The following CFAP54 variants were observed in gnomAD, a reference collection of about 807,000 sequenced individuals.
CFAP54 encodes cilia and flagella associated protein 54.
Under a neutral mutation model 370.4 loss-of-function variants are expected in CFAP54, and 290 were observed. The ratio of observed to expected loss-of-function variants is 0.78; its 90% CI spans 0.71 to 0.86. The LOEUF is 0.86. Ranked by LOEUF, CFAP54 falls within the 40% of genes least tolerant of loss-of-function variation. CFAP54 has a pLI of 0.00. For missense variants in CFAP54, 3,399 were observed against 3,528.7 expected, an observed-to-expected ratio of 0.96 and a Z score of 0.93; for synonymous variants, 1,206 against 1,236.5, an observed-to-expected ratio of 0.98 and a Z score of 0.52.
chr12:96,723,823 C>T (rs1409944473), intron 50 of CFAP54, among the ~76,000 whole-genome samples: 4 of 92,802 alleles, frequency 4.3e-5, no homozygotes, highest in Non-Finnish European at 8.1e-5. Context: ...TGCTATCCCT[C>T]CCCCCTCCCC....
intron 58 of CFAP54, among the ~76,000 whole-genome samples, chr12:96,762,259 G>A (rs4272824): frequency 0.36 from 55,356 of 151,952 alleles, 10,834 homozygotes; most frequent in East Asian, 0.58. Flanking sequence ...ATTGTTTTGC[G>A]TCCTGTGACC....
chr12:96,492,181 A>C (rs905082938), intron 1 of CFAP54, among the ~76,000 whole-genome samples: 1 of 152,170 alleles, frequency 6.6e-6, no homozygotes, highest in African/African-American at 2.4e-5. Flanking sequence ...TCTCCAATCT[A>C]TCCTTCACCT....
chr12:96,728,839 G>T (rs1334624586), intron 50 of CFAP54, among the ~76,000 whole-genome samples: 1 of 152,158 alleles, frequency 6.6e-6, no homozygotes, highest in African/African-American at 2.4e-5. Context: ...TGATGGTGAT[G>T]TACAGATGGG....
At chr12:96,795,803 T>C (rs912155038) in intron 63 of CFAP54, among the ~76,000 whole-genome samples, 3 of 152,128 alleles carry the variant, frequency 2.0e-5, no homozygotes, top group Non-Finnish European at 4.4e-5. Context: ...CCAGATTCTG[T>C]CCAGGAAACT....
Position 96,522,165 on chromosome 12 carries a change from A to G in CFAP54, c.1134A>G (p.Arg378=), listed in dbSNP as rs2136369918. 6.5e-7 allele frequency: 1 copy of G among 1,533,842 alleles called. No individual in the cohort carries two copies. Among genetic ancestry groups the G allele is most frequent in the Non-Finnish European group, 8.7e-7 (1 of 1,145,784 alleles). ...AAGCTGTCTTTAGACCTAAGATAAG[A>G]ATTAACCTAAGGGAAGTACAAACTG... ...KNKAVFRPKI[R]INLREVQTLS... Residue 378 remains arginine, a synonymous_variant, in exon 8 of 68, where the codon AGA becomes AGG. Coordinates refer to ENST00000524981, the MANE Select transcript of CFAP54 (RefSeq NM_001306084.2).
Position 96,664,096 on chromosome 12 carries a change from T to A in CFAP54, c.5563+164T>A, listed in dbSNP as rs1957028424. On this transcript the variant is annotated intron_variant, in intron 39 of 67. Transcript: ENST00000524981. The stretch of plus-strand genomic sequence containing the variant: ...TGATTTTCGCCATCTTACGTTGCTA[T>A]AAATGTTACTTAAGGGGGATTAAAA... Among the ~76,000 whole-genome samples, 3 of 152,250 alleles carry A rather than the reference T, an allele frequency of 2.0e-5. No individual in the cohort carries two copies. In the South Asian group the frequency reaches 6.2e-4, roughly 31 times the overall value.
intron 66 of CFAP54, among the ~76,000 whole-genome samples, chr12:96,855,901 C>T (rs976119943): frequency 1.3e-5 from 2 of 152,228 alleles, no homozygotes; most frequent in Non-Finnish European, 2.9e-5. Flanking sequence ...TTCTGTACTG[C>T]CCTAGCAGAG....
At chr12:96,813,366 C>T (rs1958945244) in intron 64 of CFAP54, among the ~76,000 whole-genome samples, 2 of 151,978 alleles carry the variant, frequency 1.3e-5, no homozygotes, top group South Asian at 4.2e-4. Flanking sequence ...TCTTATGAGG[C>T]TCAAGATTAG....
chr12:96,775,101 A>G (rs1565974095), intron 60 of CFAP54, among the ~76,000 whole-genome samples: 1 of 152,178 alleles, frequency 6.6e-6, no homozygotes, highest in Non-Finnish European at 1.5e-5. Flanking sequence ...CCATAGTCAC[A>G]GTGTAAATGA....
intron 1 of CFAP54, among the ~76,000 whole-genome samples, chr12:96,499,646 A>G (rs1955001730): frequency 6.6e-6 from 1 of 152,168 alleles, no homozygotes; most frequent in Admixed American, 6.6e-5. Flanking sequence ...TTATGTCCAT[A>G]TAAAAACCTG....
chr12:96,724,816 G>A (rs1411587084), intron 50 of CFAP54, among the ~76,000 whole-genome samples: 14 of 152,080 alleles, frequency 9.2e-5, no homozygotes, highest in Admixed American at 2.6e-4. Context: ...TAGGTCTAAC[G>A]TTTAAGTCTT....
At chr12:96,663,473 T>C (rs1957020171) in intron 38 of CFAP54, among the ~76,000 whole-genome samples, 1 of 130,758 alleles carries the variant, frequency 7.6e-6, no homozygotes, top group African/African-American at 3.0e-5. Flanking sequence ...TTGCATTAAT[T>C]ATAAGTAGGG....
rs551041490 is a variant in CFAP54, at chr12:96,607,574, C to T, written c.3639+8807C>T. On this transcript the variant is annotated intron_variant, in intron 26 of 67. Coordinates refer to ENST00000524981, the MANE Select transcript of CFAP54 (RefSeq NM_001306084.2). ...GGTAAATGAATTCAAAAGGCAGATC[C>T]AGAAGTCATAACTTGAAAACAAAAG... Among the ~76,000 whole-genome samples the T allele has an allele frequency of 7.2e-4, 109 of 152,170 alleles. No homozygotes were observed. In the South Asian group the frequency reaches 7.9e-3, roughly 11 times the overall value.
At chr12:96,695,970 G>A (rs1028546826) in intron 45 of CFAP54, among the ~76,000 whole-genome samples, 7 of 152,094 alleles carry the variant, frequency 4.6e-5, no homozygotes, top group Non-Finnish European at 7.4e-5. Context: ...CCTGCCACTC[G>A]GTCATTTCCA....
intron 12 of CFAP54, among the ~76,000 whole-genome samples, 189 bp downstream of exon 12, chr12:96,535,789 T>C (rs1010495): frequency 0.42 from 63,468 of 152,054 alleles, 13,759 homozygotes; most frequent in South Asian, 0.46. Context: ...TGTTGTCATT[T>C]TGAGTGTCTT....
At chr12:96,581,179 G>A in intron 22 of CFAP54, 74 bp downstream of exon 22, 3 of 1,053,510 alleles carry the variant, frequency 2.8e-6, no homozygotes, top group South Asian at 3.0e-5. Flanking sequence ...AATTTCTGAT[G>A]GAAATAAAAA....
At chr12:96,871,993 T>C (rs1960181863) in intron 67 of CFAP54, among the ~76,000 whole-genome samples, 1 of 151,988 alleles carries the variant, frequency 6.6e-6, no homozygotes, top group South Asian at 2.1e-4. Context: ...AAATCCTAGA[T>C]AGGAAGGAAA....
intron 39 of CFAP54, among the ~76,000 whole-genome samples, chr12:96,676,496 T>A (rs1275387717): frequency 6.6e-6 from 1 of 152,096 alleles, no homozygotes; most frequent in Non-Finnish European, 1.5e-5. Context: ...GGAGGATAAA[T>A]TAGGTCATGA....
intron 19 of CFAP54, among the ~76,000 whole-genome samples, chr12:96,568,906 CT>C (rs35705881): frequency 0.082 from 11,639 of 141,586 alleles, 820 homozygotes; most frequent in African/African-American, 0.19. Context: ...AGATGACTGG[CT>C]TTTTTTTTTT....
Sources: gnomAD v4.1 joint callset for allele counts (sites outside exome capture counted in the v4.1 genomes callset) on GRCh38, gnomAD v4.1.1 for gene constraint, MANE v1.5 for transcripts, NCBI Gene and HGNC (gene_info 2026-07-23, HGNC 2026-07-21) for gene names.